GREB1L: variants seen among roughly 807,000 people sequenced by gnomAD.
GREB1L encodes the protein GREB1-like protein.
In GREB1L, 17 loss-of-function variants were observed where a neutral mutation model predicts 200.8. The ratio of observed to expected loss-of-function variants is 0.08; its 90% confidence interval spans 0.06 to 0.13. GREB1L has a LOEUF of 0.13. Ranked by LOEUF, GREB1L falls within the 10% of genes least tolerant of loss-of-function variation. The probability of loss-of-function intolerance (pLI) is 1.00; values close to 1 mark genes in which losing one functional copy is unlikely to be tolerated. For synonymous variants in GREB1L, 789 were observed against 893.0 expected, an observed-to-expected ratio of 0.88 and a Z score of 2.08; for missense variants, 1,657 against 2,367.7, an observed-to-expected ratio of 0.70 and a Z score of 6.23.
At chr18:21,512,507 T>C (rs554960347) in intron 27 of GREB1L, among the ~76,000 whole-genome samples, 14 of 152,344 alleles carry the variant, frequency 9.2e-5, no homozygotes, top group South Asian at 2.1e-4. Context: ...GATTTTGGTG[T>C]TGATTTTGCA....
At chr18:21,431,945 CAG>C (rs1443906939) in intron 7 of GREB1L, among the ~76,000 whole-genome samples, 1 of 105,030 alleles carries the variant, frequency 9.5e-6, no homozygotes, top group Non-Finnish European at 1.7e-5. Context: ...TTTTTTGAGA[CAG>C]AGTCTCACTC....
In GREB1L at chr18:21,454,453, G is replaced by C; in HGVS notation, c.2072G>C (p.Ser691Thr). Residue 691 changes from serine to threonine, a missense_variant, in exon 15 of 33, where the codon AGT (serine) becomes ACT (threonine). By Grantham distance (58) the Ser-to-Thr change is moderately conservative. Transcript: ENST00000424526. ...TCCCAGGTGTGTGCTATAGCGGACA[G>C]TGGCAGCCAGAGCCTGGACCTCGGT... ...LLSQVCAIAD[S>T]GSQSLDLGHF... 6.4e-7 allele frequency: 1 copy of C among 1,551,562 alleles called. No homozygotes were observed. Among genetic ancestry groups the C allele is most frequent in the South Asian group, 1.2e-5 (1 of 84,066 alleles).
chr18:21,291,411 A>T (rs185024695), intron 1 of GREB1L, among the ~76,000 whole-genome samples: 23 of 152,276 alleles, frequency 1.5e-4, no homozygotes, highest in Admixed American at 3.9e-4. Context: ...TGTTAGAGAC[A>T]TGTGGGGCAT....
chr18:21,417,767 A>G (rs1034309688), intron 7 of GREB1L, among the ~76,000 whole-genome samples: 3 of 151,998 alleles, frequency 2.0e-5, no homozygotes, highest in Non-Finnish European at 4.4e-5. Context: ...AGGCGGGTGG[A>G]TCATGAGATC....
Position 21,524,881 on chromosome 18 carries a change from ATTC to A in GREB1L, c.*2063_*2065del, listed in dbSNP as rs1180916601. ...CTATAATGGAGAAATTGATCTGCCT[ATTC>A]TTTTCAAAGCCTATCTTACTAATGT... On this transcript the variant is annotated 3_prime_UTR_variant, in exon 33 of 33. Coordinates refer to ENST00000424526, the MANE Select transcript of GREB1L (RefSeq NM_001142966.3). 1 of 151,998 alleles carries A rather than the reference ATTC, an allele frequency of 6.6e-6. No homozygotes were observed. The highest frequency in any genetic ancestry group is 2.4e-5 in the African/African-American group (1 of 41,352). 9.4% of individuals were successfully genotyped at this position (151,998 alleles called of 1,614,324 possible).
chr18:21,482,474 G>T (rs2035957129), intron 17 of GREB1L, among the ~76,000 whole-genome samples: 1 of 152,068 alleles, frequency 6.6e-6, no homozygotes, highest in Non-Finnish European at 1.5e-5. Flanking sequence ...GGCCAGGTTG[G>T]TCTTGAACTC....
At chr18:21,462,817 C>G (rs915548829) in intron 15 of GREB1L, among the ~76,000 whole-genome samples, 2 of 151,910 alleles carry the variant, frequency 1.3e-5, no homozygotes, top group Non-Finnish European at 2.9e-5. Context: ...GACTTTTGAG[C>G]CTTGAAAATG....
intron 11 of GREB1L, among the ~76,000 whole-genome samples, chr18:21,444,643 C>G (rs879320614): frequency 6.6e-6 from 1 of 152,020 alleles, no homozygotes; most frequent in Non-Finnish European, 1.5e-5. Flanking sequence ...ATTGCACCAC[C>G]TAGTGTCCAG....
In GREB1L at chr18:21,476,311, T is replaced by G. The variant is rs865836793; in HGVS notation, c.2364-853T>G. Reference sequence around the variant, plus strand: ...GAAGCCAGAAAGTGTTTGATAATACTCCACAATCTGAAACCTAGAGCCATA... The same window carrying G: ...GAAGCCAGAAAGTGTTTGATAATACGCCACAATCTGAAACCTAGAGCCATA... On this transcript the variant is annotated intron_variant, in intron 16 of 32. Transcript: ENST00000424526. Among the ~76,000 whole-genome samples the G allele has an allele frequency of 4.6e-5, 7 of 152,170 alleles. No individual in the cohort carries two copies. The South Asian group carries it at 6.2e-4, about 14-fold the overall frequency.
chr18:21,400,690 G>A (rs1450185426), intron 5 of GREB1L, among the ~76,000 whole-genome samples: 2 of 152,138 alleles, frequency 1.3e-5, no homozygotes, highest in Non-Finnish European at 2.9e-5. Flanking sequence ...CCCAGACTGG[G>A]TCAGACGGTG....
chr18:21,374,021 A>G (rs2039978178), intron 2 of GREB1L, among the ~76,000 whole-genome samples: 1 of 150,550 alleles, frequency 6.6e-6, no homozygotes, highest in East Asian at 1.9e-4. Flanking sequence ...TTTTTTCTTC[A>G]GGCCAGGTTT....
At chr18:21,372,862 G>A (rs576580868) in intron 2 of GREB1L, among the ~76,000 whole-genome samples, 44 of 152,158 alleles carry the variant, frequency 2.9e-4, no homozygotes, top group Admixed American at 1.1e-3. Context: ...TGGAGGTGGC[G>A]GTGAGCCGAG....
chr18:21,479,305 T>C (rs963299311), intron 17 of GREB1L, among the ~76,000 whole-genome samples: 32 of 152,332 alleles, frequency 2.1e-4, no homozygotes, highest in Non-Finnish European at 7.3e-5. Context: ...ACCCCAGTGA[T>C]AGGAAGAAGG....
chr18:21,464,562 AAGTC>A (rs2035192783), intron 15 of GREB1L, among the ~76,000 whole-genome samples: 3 of 150,802 alleles, frequency 2.0e-5, no homozygotes, highest in Non-Finnish European at 2.9e-5. Context: ...AAAAAAAAAA[AAGTC>A]AGGGAACAAA....
intron 7 of GREB1L, among the ~76,000 whole-genome samples, chr18:21,430,766 T>C (rs2033083961): frequency 6.6e-6 from 1 of 150,848 alleles, no homozygotes; most frequent in Admixed American, 6.6e-5. Flanking sequence ...CTGGCTAATT[T>C]TGTATTTTTA....
Position 21,518,141 on chromosome 18 carries a change from T to C in GREB1L, c.5379T>C (p.Leu1793=). 3.9e-6 allele frequency: 6 copies of C among 1,551,640 alleles called. No homozygotes were observed. The highest frequency in any genetic ancestry group is 5.2e-6 in the Non-Finnish European group (6 of 1,146,982). The change falls in exon 31 of 33, where the codon CTT becomes CTC. Residue 1793 remains leucine (L), a synonymous_variant. Coordinates refer to ENST00000424526, the MANE Select transcript of GREB1L (RefSeq NM_001142966.3). ...APAQFLLEKF[L]QHASYKLFPK... ...CACAGTTTCTCCTGGAGAAATTCCT[T>C]CAGCACGCCTCATATAAACTCTTCC...
intron 32 of GREB1L, among the ~76,000 whole-genome samples, chr18:21,522,044 A>G (rs1252681651): frequency 2.0e-5 from 3 of 151,260 alleles, no homozygotes. Context: ...CCCCCACAAC[A>G]AAGAATTATC....
intron 16 of GREB1L, among the ~76,000 whole-genome samples, chr18:21,475,969 T>TAAA (rs1233831817): frequency 1.7e-4 from 1 of 6,048 alleles, no homozygotes; most frequent in Admixed American, 2.4e-3. Flanking sequence ...AGACTCCGTC[T>TAAA]CAAAAAAAAA....
chr18:21,521,055 G>C lies in GREB1L; in HGVS notation c.5608+232G>C, dbSNP rs113330269. On this transcript the variant is annotated intron_variant, in intron 32 of 32. Coordinates refer to ENST00000424526, the MANE Select transcript of GREB1L (RefSeq NM_001142966.3). ...TAAAAAATACAACAAAAATTAGCCAGGCATGGTGGTGTGCACCTGTAGTCC... is the reference window on the plus strand; with the variant it reads ...TAAAAAATACAACAAAAATTAGCCACGCATGGTGGTGTGCACCTGTAGTCC... Among the ~76,000 whole-genome samples the C allele has an allele frequency of 8.0e-3, 1,211 of 152,218 alleles. 20 individuals carry two copies. The highest frequency in any genetic ancestry group is 0.028 in the African/African-American group (1,167 of 41,504).
Sources: allele counts gnomAD v4.1 joint callset (sites outside exome capture counted in the v4.1 genomes callset), GRCh38; gene constraint gnomAD v4.1.1; transcripts MANE v1.5; gene names NCBI Gene and HGNC (gene_info 2026-07-23, HGNC 2026-07-21).